PTCHD4: variants seen among roughly 807,000 people sequenced by gnomAD.
The protein encoded by PTCHD4 is patched domain-containing protein 4.
PTCHD4 carries 33 observed loss-of-function variants against 58.1 expected under a neutral mutation model. The observed-to-expected ratio is 0.57, with a 90% confidence interval of 0.43 to 0.76. The LOEUF is 0.76. Ranked by LOEUF, PTCHD4 falls within the 30% of genes least tolerant of loss-of-function variation. The pLI is 0.00. For synonymous variants in PTCHD4, 478 were observed against 409.6 expected (o/e 1.17, Z -2.02); for missense variants, 1,058 against 1,027.1 (o/e 1.03, Z -0.41).
At chr6:48,048,032 A>T (rs1052677948) in intron 3 of PTCHD4, among the ~76,000 whole-genome samples, 1 of 151,896 alleles carries the variant, frequency 6.6e-6, no homozygotes, top group East Asian at 1.9e-4. Flanking sequence ...AAAAAAAAAA[A>T]AAAAAACCCT....
chr6:47,879,406 T>C lies in PTCHD4; in HGVS notation c.1429A>G (p.Met477Val). Residue 477 changes from methionine (M) to valine (V), a missense_variant, in exon 5 of 5, where the codon ATG becomes GTG. Coordinates refer to ENST00000339488, the MANE Select transcript of PTCHD4 (RefSeq NM_001384253.1). ...CCGTCACTGATCTGTAAGCACCCCA[T>C]GAAGGAGAAGGAGGCATAAATGAGA... ...LYLIYASFSF[M>V]GCLQISDGAN... 1 of 1,613,644 alleles carries C rather than the reference T, an allele frequency of 6.2e-7. No individual in the cohort carries two copies. The highest frequency in any genetic ancestry group is 8.5e-7 in the Non-Finnish European group (1 of 1,179,736).
At chr6:47,957,869 G>C (rs943288319) in intron 4 of PTCHD4, among the ~76,000 whole-genome samples, 1 of 152,066 alleles carries the variant, frequency 6.6e-6, no homozygotes, top group African/African-American at 2.4e-5. Flanking sequence ...CTCCCAAAGT[G>C]CTGGGATTAC....
In PTCHD4 at chr6:47,926,885, A is replaced by G. The variant is rs113761403; in HGVS notation, c.899-46949T>C. On this transcript the variant is annotated intron_variant, in intron 4 of 4. Coordinates refer to ENST00000339488, the MANE Select transcript of PTCHD4 (RefSeq NM_001384253.1). ...TGTCTGACACTAAAACCTGATAACT[A>G]TTACTGTTTTCTCATTGAAATCTAT... Among the ~76,000 whole-genome samples, 645 of 152,338 alleles carry G rather than the reference A, an allele frequency of 4.2e-3. 4 individuals carry two copies. Among genetic ancestry groups the G allele is most frequent in the African/African-American group, 0.014 (590 of 41,572 alleles).
intron 3 of PTCHD4, among the ~76,000 whole-genome samples, chr6:48,043,318 T>C (rs554024502): frequency 2.2e-4 from 33 of 152,046 alleles, no homozygotes; most frequent in African/African-American, 7.7e-4. Flanking sequence ...ATTTACAATA[T>C]TAGTAATGTC....
At chr6:48,042,155 A>G (rs935358953) in intron 3 of PTCHD4, among the ~76,000 whole-genome samples, 5 of 151,996 alleles carry the variant, frequency 3.3e-5, no homozygotes, top group African/African-American at 4.8e-5. Context: ...CACATTGATT[A>G]ACTCCAAGAA....
chr6:47,904,395 G>T (rs1196029707), intron 4 of PTCHD4, among the ~76,000 whole-genome samples: 1 of 152,220 alleles, frequency 6.6e-6, no homozygotes, highest in African/African-American at 2.4e-5. Flanking sequence ...TTGGAACACA[G>T]TCACACTCAT....
Position 47,863,220 on chromosome 6 carries a change from C to G in PTCHD4, c.*15083G>C, listed in dbSNP as rs1283124841. ...GAAGTGTATACATTTTTGGAGTCCC[C>G]TTTTAAGGAAAAGAATGCAAAAATA... On this transcript the variant is annotated 3_prime_UTR_variant, in exon 5 of 5. Transcript: ENST00000339488. 6.6e-6 allele frequency among the ~76,000 whole-genome samples: 1 copy of G among 151,738 alleles called. No individual in the cohort carries two copies. The highest frequency in any genetic ancestry group is 6.6e-5 in the Admixed American group (1 of 15,216).
chr6:47,953,554 G>A (rs1307209887), intron 4 of PTCHD4, among the ~76,000 whole-genome samples: 1 of 152,056 alleles, frequency 6.6e-6, no homozygotes, highest in Non-Finnish European at 1.5e-5. Context: ...ATTGATTTAG[G>A]TTAAAATCAA....
chr6:47,857,467 A>G lies in PTCHD4; in HGVS notation c.*20836T>C, dbSNP rs1450221513. 6.6e-6 allele frequency among the ~76,000 whole-genome samples: 1 copy of G among 152,062 alleles called. No individual in the cohort carries two copies. Among genetic ancestry groups the G allele is most frequent in the Non-Finnish European group, 1.5e-5 (1 of 67,986 alleles). On this transcript the variant is annotated 3_prime_UTR_variant, in exon 5 of 5. Coordinates refer to ENST00000339488, the MANE Select transcript of PTCHD4 (RefSeq NM_001384253.1). ...TTCCTGATCATGTCCTTTTGGCAAG[A>G]TAAAAAACTAACCCTTGGGTTCAAA...
At chr6:47,947,059 T>G (rs1409949171) in intron 4 of PTCHD4, among the ~76,000 whole-genome samples, 1 of 152,110 alleles carries the variant, frequency 6.6e-6, no homozygotes, top group Non-Finnish European at 1.5e-5. Context: ...GGTCTGAGAC[T>G]CCTGACACCA....
chr6:48,046,082 T>C (rs1358819581), intron 3 of PTCHD4, among the ~76,000 whole-genome samples: 1 of 151,708 alleles, frequency 6.6e-6, no homozygotes, highest in African/African-American at 2.4e-5. Context: ...AATTGGAGAG[T>C]AAATACCAGG....
chr6:48,105,402 G>T (rs1333521518), intron 1 of PTCHD4, among the ~76,000 whole-genome samples: 2 of 152,150 alleles, frequency 1.3e-5, no homozygotes, highest in Non-Finnish European at 2.9e-5. Context: ...TGAAACCAAT[G>T]AGAACAAAGG....
Position 48,066,017 on chromosome 6 carries a change from G to T in PTCHD4, c.417+2213C>A, listed in dbSNP as rs540417915. Among the ~76,000 whole-genome samples the T allele has an allele frequency of 4.6e-5, 7 of 152,062 alleles. No individual in the cohort carries two copies. In the South Asian group the frequency reaches 1.5e-3, roughly 32 times the overall value. Reference sequence around the variant, plus strand: ...CCATGAAGCACCTGTTATAGGCCTAGCATGGTGTTGGGTCAATGGTGCACT... The same window carrying T: ...CCATGAAGCACCTGTTATAGGCCTATCATGGTGTTGGGTCAATGGTGCACT... On this transcript the variant is annotated intron_variant, in intron 3 of 4. Coordinates refer to ENST00000339488, the MANE Select transcript of PTCHD4 (RefSeq NM_001384253.1).
At chr6:47,943,385 C>T (rs1766303808) in intron 4 of PTCHD4, among the ~76,000 whole-genome samples, 1 of 152,054 alleles carries the variant, frequency 6.6e-6, no homozygotes, top group African/African-American at 2.4e-5. Flanking sequence ...AGTAATTCAA[C>T]AGACATTAGA....
chr6:47,900,781 C>A (rs9395327), intron 4 of PTCHD4: 1 of 152,036 alleles, frequency 6.6e-6, no homozygotes, highest in Non-Finnish European at 1.5e-5. Flanking sequence ...GATGACCATG[C>A]GGTTTTTGAC....
At chr6:47,970,906 TC>T (rs1164553353) in intron 4 of PTCHD4, among the ~76,000 whole-genome samples, 1 of 152,170 alleles carries the variant, frequency 6.6e-6, no homozygotes, top group Non-Finnish European at 1.5e-5. Flanking sequence ...TAACAAGACA[TC>T]CAAGTGATTC....
intron 4 of PTCHD4, among the ~76,000 whole-genome samples, chr6:47,948,240 G>T (rs555741759): frequency 1.7e-4 from 26 of 152,312 alleles, no homozygotes; most frequent in Admixed American, 6.5e-5. Flanking sequence ...GCTCCTAGAG[G>T]CTACCCTTAG....
chr6:48,037,207 A>G (rs568197312), intron 3 of PTCHD4, among the ~76,000 whole-genome samples: 3 of 152,174 alleles, frequency 2.0e-5, no homozygotes, highest in African/African-American at 7.2e-5. Context: ...ATATTATCAA[A>G]GCTTTTACTA....
At chr6:48,047,408 C>T (rs1441095519) in intron 3 of PTCHD4, among the ~76,000 whole-genome samples, 2 of 151,780 alleles carry the variant, frequency 1.3e-5, no homozygotes, top group Admixed American at 6.6e-5. Context: ...AAATGCAAAA[C>T]TACATAGCTG....
Sources: allele counts gnomAD v4.1 joint callset (sites outside exome capture counted in the v4.1 genomes callset), GRCh38; gene constraint gnomAD v4.1.1; transcripts MANE v1.5; gene names NCBI Gene and HGNC (gene_info 2026-07-23, HGNC 2026-07-21).